The following TMEM108 variants were observed in gnomAD, a reference collection of about 807,000 sequenced individuals.
TMEM108 encodes transmembrane protein 108, also known as cancer/testis antigen 124.
TMEM108 carries 12 observed loss-of-function variants against 35.1 expected under a neutral mutation model. The ratio of observed to expected loss-of-function variants is 0.34; its 90% CI spans 0.22 to 0.55. The LOEUF is 0.55. Ranked by LOEUF, TMEM108 falls within the 20% of genes least tolerant of loss-of-function variation. TMEM108 has a pLI of 0.89. For missense variants in TMEM108, 680 were observed against 753.3 expected, an observed-to-expected ratio of 0.90 and a Z score of 1.14; for synonymous variants, 287 against 308.6, an observed-to-expected ratio of 0.93 and a Z score of 0.73.
intron 3 of TMEM108, among the ~76,000 whole-genome samples, chr3:133,239,587 A>G (rs1407152900): frequency 6.6e-6 from 1 of 152,194 alleles, no homozygotes; most frequent in African/African-American, 2.4e-5. Flanking sequence ...GCACAACAGA[A>G]TCACCTTAAG....
At chr3:133,114,608 C>T (rs960625069) in intron 2 of TMEM108, among the ~76,000 whole-genome samples, 23 of 152,098 alleles carry the variant, frequency 1.5e-4, no homozygotes, top group African/African-American at 5.6e-4. Flanking sequence ...ATTTGATTCC[C>T]TGCCTCCTGC....
intron 2 of TMEM108, among the ~76,000 whole-genome samples, chr3:133,134,558 CT>C (rs34852508): frequency 0.096 from 14,547 of 151,972 alleles, 894 homozygotes; most frequent in Admixed American, 0.17. Flanking sequence ...AACGCTATTT[CT>C]TTCCCCCTCT....
chr3:133,329,803 T>G (rs1159559225), intron 3 of TMEM108, among the ~76,000 whole-genome samples: 2 of 152,210 alleles, frequency 1.3e-5, no homozygotes, highest in African/African-American at 4.8e-5. Flanking sequence ...CACTGCACGG[T>G]GAACACTTAA....
At chr3:133,097,623 T>C (rs574771286) in intron 2 of TMEM108, among the ~76,000 whole-genome samples, 2 of 152,316 alleles carry the variant, frequency 1.3e-5, no homozygotes, top group East Asian at 1.9e-4. Context: ...GTAATATCTG[T>C]TATATTGACT....
At chr3:133,273,026 G>A (rs1576425926) in intron 3 of TMEM108, among the ~76,000 whole-genome samples, 1 of 152,302 alleles carries the variant, frequency 6.6e-6, no homozygotes, top group African/African-American at 2.4e-5. Flanking sequence ...AGGCTCTGAG[G>A]TGGTTTGCCC....
chr3:133,353,819 G>A (rs757961802), intron 3 of TMEM108, among the ~76,000 whole-genome samples: 3 of 152,138 alleles, frequency 2.0e-5, no homozygotes, highest in Non-Finnish European at 4.4e-5. Flanking sequence ...TTCAGAAAAC[G>A]AACAGTGTGT....
At chr3:133,072,242 G>C (rs1191860140) in intron 2 of TMEM108, among the ~76,000 whole-genome samples, 1 of 152,110 alleles carries the variant, frequency 6.6e-6, no homozygotes, top group Non-Finnish European at 1.5e-5. Context: ...TCACACAACA[G>C]TGAGGTCAAT....
At chr3:133,082,838 G>C (rs577599107) in intron 2 of TMEM108, among the ~76,000 whole-genome samples, 1 of 152,014 alleles carries the variant, frequency 6.6e-6, no homozygotes, top group South Asian at 2.1e-4. Context: ...TTGTTTTATA[G>C]AAACAAGGTC....
intron 2 of TMEM108, among the ~76,000 whole-genome samples, chr3:133,227,696 A>G (rs1376788841): frequency 2.0e-5 from 3 of 151,484 alleles, no homozygotes; most frequent in Non-Finnish European, 4.4e-5. Context: ...GGAGATCAAG[A>G]CCATCCTGGC....
intron 3 of TMEM108, among the ~76,000 whole-genome samples, chr3:133,356,129 A>G (rs1388981931): frequency 6.6e-6 from 1 of 152,136 alleles, no homozygotes; most frequent in African/African-American, 2.4e-5. Context: ...GCAGAGTCTC[A>G]AGTTACAAAA....
At chr3:133,171,496 T>C (rs911557188) in intron 2 of TMEM108, among the ~76,000 whole-genome samples, 4 of 152,148 alleles carry the variant, frequency 2.6e-5, no homozygotes, top group Non-Finnish European at 5.9e-5. Context: ...CCTGCCTCAG[T>C]GTCCCAAATA....
At chr3:133,055,429 C>T (rs912981903) in intron 2 of TMEM108, among the ~76,000 whole-genome samples, 1 of 152,238 alleles carries the variant, frequency 6.6e-6, no homozygotes, top group South Asian at 2.1e-4. Context: ...CATCTGCTCT[C>T]TCCAGGGTAT....
chr3:133,281,421 T>C (rs1413902644), intron 3 of TMEM108, among the ~76,000 whole-genome samples: 1 of 152,244 alleles, frequency 6.6e-6, no homozygotes, highest in Non-Finnish European at 1.5e-5. Context: ...TGCAGAGTTA[T>C]AACGTCAGAT....
chr3:133,313,146 T>G (rs2071154536), intron 3 of TMEM108, among the ~76,000 whole-genome samples: 1 of 152,070 alleles, frequency 6.6e-6, no homozygotes, highest in South Asian at 2.1e-4. Context: ...GCATTAACAG[T>G]TTTGAAAATA....
chr3:133,104,286 A>G (rs1218027130), intron 2 of TMEM108, among the ~76,000 whole-genome samples: 6 of 152,246 alleles, frequency 3.9e-5, no homozygotes, highest in Admixed American at 3.9e-4. Context: ...TAACTGCTCA[A>G]TAAATGTTAG....
chr3:133,241,050 C>T (rs765585371), intron 3 of TMEM108, among the ~76,000 whole-genome samples: 8 of 148,930 alleles, frequency 5.4e-5, no homozygotes, highest in Non-Finnish European at 1.2e-4. Context: ...TTTTAACCAA[C>T]AGAGAACTGT....
intron 2 of TMEM108, 84 bp from the exon 3 acceptor site, chr3:133,229,182 A>G: frequency 1.2e-6 from 1 of 858,216 alleles, no homozygotes; most frequent in South Asian, 1.8e-5. Context: ...AGGCATTATA[A>G]CCAAGATCCT....
intron 2 of TMEM108, among the ~76,000 whole-genome samples, chr3:133,206,778 G>A (rs1302169732): frequency 6.6e-6 from 1 of 152,222 alleles, no homozygotes; most frequent in Non-Finnish European, 1.5e-5. Context: ...AGGCACAAGT[G>A]TCAGGGACCC....
rs543219201 is a variant in TMEM108, at chr3:133,356,912, A to G, written c.41-22840A>G. ...CTCTTCTGGACATTGGCCTAGGCAA[A>G]GAATTTATGACCAAGAACCCAAAAG... On this transcript the variant is annotated intron_variant, in intron 3 of 5. Transcript: ENST00000321871. Among the ~76,000 whole-genome samples the G allele has an allele frequency of 7.3e-4, 111 of 152,198 alleles. 1 individual carries two copies. Among genetic ancestry groups the G allele is most frequent in the Non-Finnish European group, 1.3e-3 (90 of 68,010 alleles).
Sources: allele counts gnomAD v4.1 joint callset (sites outside exome capture counted in the v4.1 genomes callset), GRCh38; gene constraint gnomAD v4.1.1; transcripts MANE v1.5; gene names NCBI Gene and HGNC (gene_info 2026-07-23, HGNC 2026-07-21).